Variants in MTFR1 observed in about 807,000 individuals in gnomAD.
The protein encoded by MTFR1 is chondrocyte protein with a poly-proline region.
A neutral mutation model predicts 38.8 loss-of-function variants in MTFR1; 28 were observed. That is an observed-to-expected ratio of 0.72 (90% CI 0.53 to 0.99). MTFR1 has a LOEUF of 0.99. Among genes scored for constraint, MTFR1 ranks in the 50% least tolerant of loss-of-function variants. The pLI, the probability that MTFR1 is intolerant of heterozygous loss-of-function variation, is 0.00. For missense variants in MTFR1, 358 were observed against 395.5 expected, an observed-to-expected ratio of 0.91 and a Z score of 0.81; for synonymous variants, 145 against 137.0, an observed-to-expected ratio of 1.06 and a Z score of -0.41.
At chr8:65,652,232 A>G (rs1291411219) in intron 1 of MTFR1, among the ~76,000 whole-genome samples, 1 of 151,902 alleles carries the variant, frequency 6.6e-6, no homozygotes, top group African/African-American at 2.4e-5. Context: ...TCAACCTCCC[A>G]AGTAGCTGGG....
intron 3 of MTFR1, among the ~76,000 whole-genome samples, chr8:65,767,841 T>G (rs891395095): frequency 4.6e-5 from 7 of 152,198 alleles, no homozygotes; most frequent in Non-Finnish European, 7.4e-5. Context: ...TATAAGTGTT[T>G]CCCTGAATTC....
At chr8:65,673,319 G>A (rs1009214744) in intron 2 of MTFR1, among the ~76,000 whole-genome samples, 6 of 151,884 alleles carry the variant, frequency 4.0e-5, no homozygotes, top group African/African-American at 1.4e-4. Flanking sequence ...CTTGGTTCAT[G>A]GCACCCCAAA....
chr8:65,723,369 A>T, intron 3 of MTFR1: 1 of 520,216 alleles, frequency 1.9e-6, no homozygotes, highest in Non-Finnish European at 2.9e-6. Context: ...TCCTAAAATT[A>T]AATGAGAATT....
In MTFR1 at chr8:65,727,254, T is replaced by C. The variant is rs763402015; in HGVS notation, c.*48+7773T>C. ...GATGATCCAGATCATGAGTGGCAGCTGCAATTAAGCTCAGCAAGATATCCC... is the reference window on the plus strand; with the variant it reads ...GATGATCCAGATCATGAGTGGCAGCCGCAATTAAGCTCAGCAAGATATCCC... On this transcript the variant is annotated intron_variant, in intron 3 of 3. Transcript: ENST00000521247. The C allele has an allele frequency of 5.0e-6, 8 of 1,613,776 alleles. No individual in the cohort carries two copies. In the South Asian group the frequency reaches 8.8e-5, roughly 18 times the overall value.
intron 3 of MTFR1, among the ~76,000 whole-genome samples, chr8:65,756,224 T>C (rs1808234471): frequency 1.3e-5 from 2 of 152,230 alleles, no homozygotes; most frequent in African/African-American, 2.4e-5. Context: ...AATTTGACTA[T>C]AGTGTGTCTC....
At chr8:65,656,960 A>C (rs751582560) in intron 1 of MTFR1, among the ~76,000 whole-genome samples, 1 of 151,558 alleles carries the variant, frequency 6.6e-6, no homozygotes, top group African/African-American at 2.4e-5. Flanking sequence ...GTAACTTTCA[A>C]CTGAATACTT....
At chr8:65,677,884 C>T (rs186660454) in intron 2 of MTFR1, among the ~76,000 whole-genome samples, 22 of 151,516 alleles carry the variant, frequency 1.5e-4, no homozygotes, top group African/African-American at 5.1e-4. Flanking sequence ...GGTGTGGTGG[C>T]ACGTGCCTGT....
At chr8:65,770,985 G>T (rs1809058939) in exon 4 of MTFR1, 2 of 328,762 alleles carry the variant, frequency 6.1e-6, no homozygotes, top group South Asian at 5.0e-5. Context: ...GGACAAGAAG[G>T]CCTATGGCAA....
intron 1 of MTFR1, among the ~76,000 whole-genome samples, chr8:65,651,919 G>A (rs1490568453): frequency 6.6e-6 from 1 of 151,482 alleles, no homozygotes; most frequent in Admixed American, 6.6e-5. Flanking sequence ...GACTTTTCCA[G>A]TTCATGAACA....
intron 3 of MTFR1, 178 bp downstream of exon 3, chr8:65,682,629 G>A: frequency 1.9e-6 from 1 of 539,628 alleles, no homozygotes; most frequent in Non-Finnish European, 2.4e-6. Flanking sequence ...GTTTCTCTGT[G>A]ACGTGATTGA....
intron 1 of MTFR1, among the ~76,000 whole-genome samples, chr8:65,653,958 G>A (rs1444311699): frequency 4.6e-5 from 7 of 151,938 alleles, no homozygotes; most frequent in Non-Finnish European, 1.0e-4. Context: ...AGCTACTTGG[G>A]AGGCTGAAGC....
At chr8:65,751,137 G>C (rs75445047) in intron 3 of MTFR1, among the ~76,000 whole-genome samples, 5,835 of 152,264 alleles carry the variant, frequency 0.038, 157 homozygotes, top group Non-Finnish European at 0.056. Context: ...CAGGGTCTGA[G>C]GGCCTCATAC....
At position 65,686,218 on chromosome 8, in the gene MTFR1, A is replaced by G. The variant is rs189915807; in HGVS notation, c.165+3767A>G. On this transcript the variant is annotated intron_variant, in intron 3 of 7. Coordinates refer to ENST00000262146, the MANE Select transcript of MTFR1 (RefSeq NM_014637.4). ...ATTTTTTATTTTTAGCTATAATTTTATAGTCAGTTGGCCCTTAAAGATTAC... is the reference window on the plus strand; with the variant it reads ...ATTTTTTATTTTTAGCTATAATTTTGTAGTCAGTTGGCCCTTAAAGATTAC... 3.9e-5 allele frequency among the ~76,000 whole-genome samples: 6 copies of G among 152,264 alleles called. No individual in the cohort carries two copies. In the East Asian group the frequency reaches 5.8e-4, roughly 15 times the overall value.
chr8:65,666,993 G>A (rs1386983418), intron 1 of MTFR1, among the ~76,000 whole-genome samples: 1 of 152,094 alleles, frequency 6.6e-6, no homozygotes, highest in East Asian at 1.9e-4. Context: ...AGAATTTTCC[G>A]GCCAGACGCG....
chr8:65,739,079 C>A (rs977596844), intron 3 of MTFR1, among the ~76,000 whole-genome samples: 1 of 152,350 alleles, frequency 6.6e-6, no homozygotes, highest in East Asian at 1.9e-4. Context: ...TATCAGCTCT[C>A]TCGGAAACCT....
At chr8:65,714,968 C>T (rs1045834748), downstream of MTFR1, among the ~76,000 whole-genome samples, 4 of 152,080 alleles carry the variant, frequency 2.6e-5, no homozygotes, top group Non-Finnish European at 5.9e-5. Context: ...TGACCAGGAA[C>T]CAATTTTTCT....
chr8:65,751,459 T>C (rs1221212269), intron 3 of MTFR1, among the ~76,000 whole-genome samples: 2 of 152,274 alleles, frequency 1.3e-5, no homozygotes, highest in South Asian at 2.1e-4. Context: ...AAAGTTTCTA[T>C]TGTATCCTTC....
intron 1 of MTFR1, among the ~76,000 whole-genome samples, chr8:65,668,487 C>T (rs1351960373): frequency 2.7e-5 from 4 of 148,758 alleles, no homozygotes; most frequent in Non-Finnish European, 5.9e-5. Flanking sequence ...CGCACCCAGC[C>T]TTTAAGGAAG....
In MTFR1 at chr8:65,662,296, C is replaced by T. The variant is rs1054499240; in HGVS notation, c.-80-7577C>T. Among the ~76,000 whole-genome samples, 3 of 152,210 alleles carry T rather than the reference C, an allele frequency of 2.0e-5. No individual in the cohort carries two copies. The East Asian group carries it at 5.8e-4, about 30-fold the overall frequency. On this transcript the variant is annotated intron_variant, in intron 1 of 7. Transcript: ENST00000262146. ...TATTTTTTTGGTGGAGACGGGATTT[C>T]GCTGTGTTGGCCGGGCTGGTCTCCA... is the stretch of plus-strand genomic sequence containing the variant.
Sources: gnomAD v4.1 joint callset for allele counts (sites outside exome capture counted in the v4.1 genomes callset) on GRCh38, gnomAD v4.1.1 for gene constraint, MANE v1.5 for transcripts, NCBI Gene and HGNC (gene_info 2026-07-23, HGNC 2026-07-21) for gene names.